The following HIVEP2 variants were observed in gnomAD, a reference collection of about 807,000 sequenced individuals.
HIVEP2 encodes the protein HIVEP zinc finger 2, also known as transcription factor HIVEP2.
HIVEP2 carries 14 observed loss-of-function variants against 180.7 expected under a neutral mutation model. That is an observed-to-expected ratio of 0.08 (90% confidence interval 0.05 to 0.12). HIVEP2 has a LOEUF of 0.12. HIVEP2 is among the 10% of genes least tolerant of loss of function. The pLI is 1.00. For synonymous variants in HIVEP2, 1,184 were observed against 1,136.4 expected (o/e 1.04, Z -0.84); for missense variants, 2,579 against 3,008.5 (o/e 0.86, Z 3.34).
Position 142,775,090 on chromosome 6 carries a change from A to G in HIVEP2, c.-352T>C. 1 of 1,024,814 alleles carries G rather than the reference A, an allele frequency of 9.8e-7. No individual in the cohort carries two copies. The allele number at this position is 1,024,814 out of a possible 1,614,324, so 63.5% of individuals were successfully genotyped here. A position where few individuals can be genotyped will look rare whatever the true frequency, so the allele number is the denominator to read the frequency against. ...AGAAATTTTGCCCATCAACTAGAGCAAAGTTCAATTGCCAGTTTCACTAAG... is the reference window on the plus strand; with the variant it reads ...AGAAATTTTGCCCATCAACTAGAGCGAAGTTCAATTGCCAGTTTCACTAAG... On this transcript the variant is annotated 5_prime_UTR_variant, in exon 5 of 10. Transcript: ENST00000367603.
intron 5 of HIVEP2, 56 bp from the exon 6 acceptor site, chr6:142,768,592 C>G: frequency 6.4e-7 from 1 of 1,551,122 alleles, no homozygotes; most frequent in South Asian, 1.2e-5. Flanking sequence ...CACAGGAGCC[C>G]CTATGTCCCA....
intron 1 of HIVEP2, among the ~76,000 whole-genome samples, chr6:142,847,947 CAT>C (rs1775558532): frequency 6.6e-6 from 1 of 152,120 alleles, no homozygotes; most frequent in Non-Finnish European, 1.5e-5. Context: ...AGTTATATAA[CAT>C]AATTCTGCAA....
In HIVEP2 at chr6:142,943,674, G is replaced by A. The variant is rs749360354; in HGVS notation, c.-641+1425C>T. 1.3e-5 allele frequency among the ~76,000 whole-genome samples: 2 copies of A among 152,090 alleles called. No individual in the cohort carries two copies. The highest frequency in any genetic ancestry group is 2.9e-5 in the Non-Finnish European group (2 of 68,010). On this transcript the variant is annotated intron_variant, in intron 1 of 9. Transcript: ENST00000367603. The surrounding 1 kb of genome is among the most constrained non-coding windows in gnomAD (Gnocchi z 4.5). ...GGTAAATTGAGTTATTTTTAAAATG[G>A]CAGAAAAGGAAGGAGAAAAATCAGC...
chr6:142,820,391 G>T (rs2114828607), intron 2 of HIVEP2, among the ~76,000 whole-genome samples: 1 of 151,162 alleles, frequency 6.6e-6, no homozygotes, highest in African/African-American at 2.4e-5. Context: ...TGTTTTGGTT[G>T]GTATTGGTGG....
intron 1 of HIVEP2, among the ~76,000 whole-genome samples, chr6:142,876,685 G>A (rs1776446926): frequency 6.6e-6 from 1 of 152,178 alleles, no homozygotes; most frequent in Non-Finnish European, 1.5e-5. Flanking sequence ...AAGTACTTTT[G>A]AAAAATTCTA....
intron 2 of HIVEP2, among the ~76,000 whole-genome samples, chr6:142,833,962 T>A (rs1775159446): frequency 6.6e-6 from 1 of 152,148 alleles, no homozygotes; most frequent in Admixed American, 6.5e-5. Context: ...TATAAAAATA[T>A]AAAAGGAAGT....
At chr6:142,865,615 C>A (rs1362173460) in intron 1 of HIVEP2, among the ~76,000 whole-genome samples, 1 of 152,042 alleles carries the variant, frequency 6.6e-6, no homozygotes, top group Non-Finnish European at 1.5e-5. Flanking sequence ...ATTATAATGA[C>A]ATTTTAATTA....
At chr6:142,875,474 T>G (rs1562274646) in intron 1 of HIVEP2, among the ~76,000 whole-genome samples, 2 of 152,172 alleles carry the variant, frequency 1.3e-5, no homozygotes, top group African/African-American at 4.8e-5. Flanking sequence ...AATTTATATT[T>G]AATAGGCTAC....
At chr6:142,882,139 T>G (rs1376169781) in intron 1 of HIVEP2, among the ~76,000 whole-genome samples, 1 of 152,228 alleles carries the variant, frequency 6.6e-6, no homozygotes, top group Non-Finnish European at 1.5e-5. Context: ...CTTAAGCCAC[T>G]GTCAATACAA....
At chr6:142,828,519 C>T (rs1475133329) in intron 2 of HIVEP2, among the ~76,000 whole-genome samples, 1 of 152,094 alleles carries the variant, frequency 6.6e-6, no homozygotes, top group Admixed American at 6.5e-5. Flanking sequence ...TCACTACAAC[C>T]TCCACCTTCT....
At position 142,766,949 on chromosome 6, in the gene HIVEP2, C is replaced by T. The variant is rs192653984; in HGVS notation, c.5342+1433G>A. Among the ~76,000 whole-genome samples the T allele has an allele frequency of 6.5e-4, 99 of 152,222 alleles. 1 individual carries two copies. The highest frequency in any genetic ancestry group is 2.2e-3 in the African/African-American group (90 of 41,514). ...ACAAGGTTTGGAAAAAACACTTGGT[C>T]ACCACTGGGCAGAAATTGGGCCACA... is the stretch of plus-strand genomic sequence containing the variant. On this transcript the variant is annotated intron_variant, in intron 6 of 9. Transcript: ENST00000367603.
chr6:142,783,883 G>C (rs779136627), intron 2 of HIVEP2, among the ~76,000 whole-genome samples: 3 of 152,194 alleles, frequency 2.0e-5, no homozygotes, highest in Non-Finnish European at 4.4e-5. Flanking sequence ...ACCAGCACTA[G>C]AAATTGTGTC....
At chr6:142,938,754 C>T (rs1202670451) in intron 1 of HIVEP2, among the ~76,000 whole-genome samples, 1 of 152,228 alleles carries the variant, frequency 6.6e-6, no homozygotes, top group African/African-American at 2.4e-5. Flanking sequence ...TCAAGTGAAT[C>T]TGCCACAGTG....
At chr6:142,830,640 T>A (rs1288946140) in intron 2 of HIVEP2, among the ~76,000 whole-genome samples, 1 of 152,150 alleles carries the variant, frequency 6.6e-6, no homozygotes, top group Non-Finnish European at 1.5e-5. Context: ...TAAACCCTCA[T>A]GAAAAACGAA....
chr6:142,795,905 T>A (rs950155103), intron 2 of HIVEP2, among the ~76,000 whole-genome samples: 4 of 152,086 alleles, frequency 2.6e-5, no homozygotes, highest in African/African-American at 9.7e-5. Context: ...TAAGATCCCA[T>A]CTGCCATGGA....
chr6:142,832,555 T>C (rs553057453), intron 2 of HIVEP2, among the ~76,000 whole-genome samples: 1 of 152,254 alleles, frequency 6.6e-6, no homozygotes, highest in East Asian at 1.9e-4. Context: ...ATGCAAATAA[T>C]AGATGAGGTA....
intron 1 of HIVEP2, among the ~76,000 whole-genome samples, chr6:142,902,210 C>A (rs1199784851): frequency 6.6e-6 from 1 of 152,150 alleles, no homozygotes; most frequent in African/African-American, 2.4e-5. Flanking sequence ...CTGGCAGAGT[C>A]TACCATAACC....
At chr6:142,808,568 T>G (rs1307313478) in intron 2 of HIVEP2, among the ~76,000 whole-genome samples, 14 of 116,856 alleles carry the variant, frequency 1.2e-4, no homozygotes, top group Admixed American at 3.6e-4. Context: ...AAGAGAGAGA[T>G]GGGGGAGGGA....
chr6:142,846,072 G>A (rs1379922699), intron 1 of HIVEP2, among the ~76,000 whole-genome samples: 1 of 152,230 alleles, frequency 6.6e-6, no homozygotes, highest in Non-Finnish European at 1.5e-5. Flanking sequence ...CCTGGCCTGA[G>A]GACAGCCTGC....
Sources: gnomAD v4.1 joint callset for allele counts (sites outside exome capture counted in the v4.1 genomes callset) on GRCh38, gnomAD v4.1.1 for gene constraint, Gnocchi (gnomAD v3.1) non-coding constraint, MANE v1.5 for transcripts, NCBI Gene and HGNC (gene_info 2026-07-23, HGNC 2026-07-21) for gene names.